Variants in PCDHA2 observed in about 807,000 individuals in gnomAD.
PCDHA2 encodes protocadherin alpha-2.
PCDHA2 carries 58 observed loss-of-function variants against 66.0 expected under a neutral mutation model. That is an observed-to-expected ratio of 0.88 (90% CI 0.71 to 1.09). The LOEUF (loss-of-function observed/expected upper bound fraction) is 1.09, where lower values mean the gene tolerates loss of function less well. Among genes scored for constraint, PCDHA2 ranks in the 50% least tolerant of loss-of-function variants. PCDHA2 has a pLI of 0.00. For synonymous variants in PCDHA2, 634 were observed against 554.0 expected (o/e 1.14, Z -2.03); for missense variants, 1,267 against 1,242.3 (o/e 1.02, Z -0.30).
Position 140,848,728 on chromosome 5 carries a change from A to G in PCDHA2, c.2388+51376A>G. On this transcript the variant is annotated intron_variant, in intron 1 of 3. Transcript: ENST00000526136. ...GGCCGCGGGGACCTTCTGGAGGTAAATCTGCAGAATGGCATTTTGTTTGTG... is the reference window on the plus strand; with the variant it reads ...GGCCGCGGGGACCTTCTGGAGGTAAGTCTGCAGAATGGCATTTTGTTTGTG... 5 of 1,592,594 alleles carry G rather than the reference A, an allele frequency of 3.1e-6. No individual in the cohort carries two copies. Among genetic ancestry groups the G allele is most frequent in the South Asian group, 1.1e-5 (1 of 90,116 alleles).
At chr5:140,997,697 T>C (rs2153948518) in intron 3 of PCDHA2, among the ~76,000 whole-genome samples, 1 of 151,394 alleles carries the variant, frequency 6.6e-6, no homozygotes. Flanking sequence ...TGTGTGTGTG[T>C]ATGTTAACAA....
intron 3 of PCDHA2, among the ~76,000 whole-genome samples, chr5:140,984,053 TC>T (rs2097083610): frequency 6.6e-6 from 1 of 152,154 alleles, no homozygotes; most frequent in Non-Finnish European, 1.5e-5. Flanking sequence ...CATTGACAAA[TC>T]TGTACCCTCA....
At chr5:140,823,762 A>C (rs2150128894) in intron 1 of PCDHA2, 1 of 1,613,864 alleles carries the variant, frequency 6.2e-7, no homozygotes, top group East Asian at 2.2e-5. Flanking sequence ...AGCCACAGCC[A>C]CAGTGCTGGT....
At chr5:140,991,205 A>C (rs1403144779) in intron 3 of PCDHA2, among the ~76,000 whole-genome samples, 3 of 152,226 alleles carry the variant, frequency 2.0e-5, no homozygotes, top group Admixed American at 2.0e-4. Context: ...TGCTCAATAA[A>C]TTTTGTTAAA....
intron 1 of PCDHA2, chr5:140,826,001 C>G (rs2150077180): frequency 6.6e-6 from 1 of 152,282 alleles, no homozygotes; most frequent in South Asian, 2.1e-4. Context: ...AGTAAATAGT[C>G]CACACTTTAC....
intron 1 of PCDHA2, among the ~76,000 whole-genome samples, chr5:140,941,995 T>C (rs1243854944): frequency 6.6e-6 from 1 of 152,234 alleles, no homozygotes; most frequent in Non-Finnish European, 1.5e-5. Context: ...AAGGGATTCA[T>C]ATCTCTTATT....
chr5:140,846,377 T>TCTC (rs1780417779), intron 1 of PCDHA2, among the ~76,000 whole-genome samples: 1 of 134,692 alleles, frequency 7.4e-6, no homozygotes, highest in African/African-American at 2.7e-5. Flanking sequence ...TTCTTTCTTT[T>TCTC]TTTTTTTTTT....
At chr5:140,890,576 A>T (rs1554184435) in intron 1 of PCDHA2, among the ~76,000 whole-genome samples, 2 of 151,634 alleles carry the variant, frequency 1.3e-5, no homozygotes, top group African/African-American at 4.8e-5. Flanking sequence ...TTCCTTCTGT[A>T]TTATTTGGAA....
At chr5:140,807,284 T>C in intron 1 of PCDHA2, 1 of 1,614,248 alleles carries the variant, frequency 6.2e-7, no homozygotes, top group Non-Finnish European at 8.5e-7. Context: ...TCAGCTCCAC[T>C]ACTCGGTCTC....
chr5:140,835,635 G>C, intron 1 of PCDHA2: 1 of 1,613,914 alleles, frequency 6.2e-7, no homozygotes, highest in South Asian at 1.1e-5. Context: ...CCGCGAGAGT[G>C]TGTCCGCCTA....
intron 1 of PCDHA2, among the ~76,000 whole-genome samples, chr5:140,921,757 T>C (rs1361449960): frequency 6.6e-6 from 1 of 152,122 alleles, no homozygotes; most frequent in Non-Finnish European, 1.5e-5. Context: ...GGACACTTCT[T>C]GGCTACTATT....
rs1039422866 is a variant in PCDHA2 at position 140,928,669 on chromosome 5, A to G, written c.2389-50280A>G. 6 of 1,614,042 alleles carry G rather than the reference A, an allele frequency of 3.7e-6. No homozygotes were observed. The African/African-American group carries it at 6.7e-5, about 18-fold the overall frequency. On this transcript the variant is annotated intron_variant, in intron 1 of 3. Transcript: ENST00000526136. ...AGCAGAGGATGCTGACAGTGGTTCT[A>G]ATGCCTGGCTTTCCTACCACATCTC...
At chr5:140,846,011 AAAAGTTATTAC>A (rs1554141096) in intron 1 of PCDHA2, among the ~76,000 whole-genome samples, 1 of 149,770 alleles carries the variant, frequency 6.7e-6, no homozygotes, top group Non-Finnish European at 1.5e-5. Flanking sequence ...AAAAAAATCT[AAAAGTTATTAC>A]GAGTTTAGGA....
chr5:140,904,706 A>G (rs1554191662), intron 1 of PCDHA2, among the ~76,000 whole-genome samples: 2 of 151,982 alleles, frequency 1.3e-5, no homozygotes, highest in South Asian at 2.1e-4. Flanking sequence ...TTCCCTTTTC[A>G]CCACATTCTG....
chr5:140,836,382 G>C (rs2150259409), intron 1 of PCDHA2: 27 of 1,613,752 alleles, frequency 1.7e-5, no homozygotes, highest in Non-Finnish European at 2.1e-5. Flanking sequence ...CACCGTGCTG[G>C]TGTCGCTGGT....
intron 1 of PCDHA2, chr5:140,824,263 T>G (rs2150133748): frequency 3.2e-5 from 41 of 1,289,644 alleles, no homozygotes; most frequent in Non-Finnish European, 4.4e-5. Context: ...TTGCACTAAT[T>G]CATGTATTAT....
chr5:140,994,962 T>C (rs2097657475), intron 3 of PCDHA2, among the ~76,000 whole-genome samples: 2 of 152,208 alleles, frequency 1.3e-5, no homozygotes, highest in Admixed American at 1.3e-4. Flanking sequence ...TGTAGTTTCA[T>C]TTGTTGGCCA....
In PCDHA2 at chr5:140,796,199, C is replaced by T; in HGVS notation, c.1235C>T (p.Ala412Val). The change falls in exon 1 of 4, where the codon GCC (alanine) becomes GTC (valine). Residue 412 changes from alanine to valine, a missense_variant. Coordinates refer to ENST00000526136, the MANE Select transcript of PCDHA2 (RefSeq NM_018905.3). ...TACTACTCGTTGGTGCTGGACAGCG[C>T]CCTGGACCGCGAGAGCGTGTCAGCC... ...KNYYSLVLDSALDRESVSAYE... is the reference protein window; with the variant it reads ...KNYYSLVLDSVLDRESVSAYE... The T allele has an allele frequency of 6.2e-7, 1 of 1,614,212 alleles. No homozygotes were observed. The highest frequency in any genetic ancestry group is 8.5e-7 in the Non-Finnish European group (1 of 1,180,052).
intron 1 of PCDHA2, chr5:140,824,499 T>C (rs1768140720): frequency 3.1e-6 from 1 of 327,260 alleles, no homozygotes; most frequent in African/African-American, 2.2e-5. Context: ...CTTTGTTGCT[T>C]AGTCTGCAGT....
Sources: allele counts gnomAD v4.1 joint callset (sites outside exome capture counted in the v4.1 genomes callset), GRCh38; gene constraint gnomAD v4.1.1; transcripts MANE v1.5; gene names NCBI Gene and HGNC (gene_info 2026-07-23, HGNC 2026-07-21).